PLCH2: variants seen among roughly 807,000 people sequenced by gnomAD.
PLCH2 encodes 1-phosphatidylinositol 4,5-bisphosphate phosphodiesterase eta-2.
A neutral mutation model predicts 134.7 loss-of-function variants in PLCH2; 98 were observed. The ratio of observed to expected loss-of-function variants is 0.73; its 90% CI spans 0.62 to 0.86. The LOEUF (loss-of-function observed/expected upper bound fraction) is 0.86, where lower values mean the gene tolerates loss of function less well. PLCH2 is among the 40% of genes least tolerant of loss of function. The pLI is 0.00. For synonymous variants in PLCH2, 974 were observed against 827.5 expected, an observed-to-expected ratio of 1.18 and a Z score of -3.04; for missense variants, 1,994 against 1,986.6, an observed-to-expected ratio of 1.00 and a Z score of -0.07.
At chr1:2,431,978 G>A (rs1639093020) in intron 2 of PLCH2, among the ~76,000 whole-genome samples, 1 of 152,202 alleles carries the variant, frequency 6.6e-6, no homozygotes, top group African/African-American at 2.4e-5. Context: ...TTGGCAAGGT[G>A]CCCCGGGTGG....
chr1:2,460,440 G>A (rs931125063), intron 2 of PLCH2, among the ~76,000 whole-genome samples: 1 of 152,214 alleles, frequency 6.6e-6, no homozygotes, highest in Non-Finnish European at 1.5e-5. Context: ...CTGGAGACAG[G>A]CAAGGAAGGA....
In PLCH2 at chr1:2,487,588, C is replaced by A; in HGVS notation, c.1115-10C>A. On this transcript the variant is annotated splice_polypyrimidine_tract_variant and intron_variant, in intron 7 of 21. Transcript: ENST00000378486. ...GCCCCTGGGGCTGACCAAGGCCTGC[C>A]CGCCTGCAGTGGACTGCTGGGATGG... The A allele has an allele frequency of 6.2e-7, 1 of 1,609,684 alleles. No homozygotes were observed. The highest frequency in any genetic ancestry group is 8.5e-7 in the Non-Finnish European group (1 of 1,178,330).
At chr1:2,462,045 C>T (rs1403791696) in intron 2 of PLCH2, among the ~76,000 whole-genome samples, 5 of 148,908 alleles carry the variant, frequency 3.4e-5, no homozygotes, top group African/African-American at 1.2e-4. Flanking sequence ...GACACCCCCT[C>T]TGCCTGACAC....
upstream of PLCH2, among the ~76,000 whole-genome samples, chr1:2,466,867 C>G (rs942765579): frequency 6.6e-6 from 1 of 152,126 alleles, no homozygotes; most frequent in Non-Finnish European, 1.5e-5. Context: ...GCTGGGAGAG[C>G]ACAGGAAGGG....
chr1:2,498,872 G>C lies in PLCH2; in HGVS notation c.2434+44G>C, dbSNP rs1336782245. ...TCCGTCACACCTGTGATGGAAGTCTGAGGGGGGAGGGTTGGGGCTACCTGG... is the reference window on the plus strand; with the variant it reads ...TCCGTCACACCTGTGATGGAAGTCTCAGGGGGGAGGGTTGGGGCTACCTGG... On this transcript the variant is annotated intron_variant, in intron 18 of 21. Transcript: ENST00000378486. This position sits in a 1 kb window ranked among gnomAD's most constrained non-coding sequence, Gnocchi z 5.4. 6.7e-7 allele frequency: 1 copy of C among 1,503,460 alleles called. No homozygotes were observed. The allele number at this position is 1,503,460 out of a possible 1,614,324, so 93.1% of individuals were successfully genotyped here.
At chr1:2,494,546 A>G in intron 11 of PLCH2, 1 of 492,606 alleles carries the variant, frequency 2.0e-6, no homozygotes, top group Non-Finnish European at 3.7e-6. Context: ...AAGGATTCAG[A>G]ACTTAACGAG....
upstream of PLCH2, among the ~76,000 whole-genome samples, chr1:2,465,701 C>T (rs999936415): frequency 1.3e-5 from 2 of 152,212 alleles, no homozygotes; most frequent in East Asian, 1.9e-4. Flanking sequence ...GTGCAGCGGG[C>T]GGCTTTTAAT....
At chr1:2,437,580 C>T (rs886241883) in intron 2 of PLCH2, among the ~76,000 whole-genome samples, 1 of 152,122 alleles carries the variant, frequency 6.6e-6, no homozygotes, top group Non-Finnish European at 1.5e-5. Context: ...ACCCCTGCAG[C>T]CTCCACCCCT....
chr1:2,450,516 C>A (rs1165599381), intron 2 of PLCH2, among the ~76,000 whole-genome samples: 1 of 146,418 alleles, frequency 6.8e-6, no homozygotes, highest in Non-Finnish European at 1.5e-5. Flanking sequence ...GCCCCCAACT[C>A]CCTGCCTGGC....
intron 2 of PLCH2, among the ~76,000 whole-genome samples, chr1:2,450,675 T>TCCCCCCCGCTCCCC (rs1557959091): frequency 4.9e-5 from 1 of 20,290 alleles, no homozygotes; most frequent in African/African-American, 2.1e-4. Flanking sequence ...GCTCCCCGCC[T>TCCCCCCCGCTCCCC]ACCCCCCTCT....
Position 2,476,353 on chromosome 1 carries a change from G to A in PLCH2, c.-236G>A. The A allele has an allele frequency of 2.3e-6, 1 of 442,038 alleles. No homozygotes were observed. The highest frequency in any genetic ancestry group is 3.5e-5 in the East Asian group (1 of 28,468). The allele number at this position is 442,038 out of a possible 1,614,324, so 27.4% of individuals were successfully genotyped here. ...GGATTCCTTGGTGGCCCTGGAGGGT[G>A]GATAGGCTGGCCTGGGGGCCATCAG... is the stretch of plus-strand genomic sequence containing the variant. On this transcript the variant is annotated 5_prime_UTR_variant, in exon 1 of 22. Coordinates refer to ENST00000378486, the MANE Select transcript of PLCH2 (RefSeq NM_014638.4).
At chr1:2,476,121 T>C (rs1223989217), upstream of PLCH2, among the ~76,000 whole-genome samples, 1 of 152,204 alleles carries the variant, frequency 6.6e-6, no homozygotes, top group Non-Finnish European at 1.5e-5. Context: ...CCTGCTCTTG[T>C]CCCGCAGCCC....
intron 2 of PLCH2, chr1:2,479,459 C>G: frequency 2.6e-6 from 1 of 392,036 alleles, no homozygotes; most frequent in South Asian, 3.7e-5. Context: ...GCACTGGGGG[C>G]TGCAGGTGGA....
chr1:2,435,953 C>G (rs538713616), intron 2 of PLCH2, among the ~76,000 whole-genome samples: 1 of 139,602 alleles, frequency 7.2e-6, no homozygotes, highest in Admixed American at 7.1e-5. Flanking sequence ...TCCCTCCTCT[C>G]CTCCTCCCTC....
rs550443915 is a variant in PLCH2 at position 2,495,164 on chromosome 1, G to C, written c.1752+216G>C. 1.1e-4 allele frequency among the ~76,000 whole-genome samples: 17 copies of C among 152,314 alleles called. No individual in the cohort carries two copies. In the East Asian group the frequency reaches 3.3e-3, roughly 29 times the overall value. On this transcript the variant is annotated intron_variant, in intron 12 of 21. Transcript: ENST00000378486. ...CCCCTCTGAGTCAGGCCGAGCTATCGGTTGCAGGTGCCAGGGACTGGGCCA... is the reference window on the plus strand; with the variant it reads ...CCCCTCTGAGTCAGGCCGAGCTATCCGTTGCAGGTGCCAGGGACTGGGCCA...
At chr1:2,446,189 G>A (rs1465007687) in intron 2 of PLCH2, among the ~76,000 whole-genome samples, 1 of 152,236 alleles carries the variant, frequency 6.6e-6, no homozygotes, top group African/African-American at 2.4e-5. Flanking sequence ...GGACATCAGT[G>A]TACCCACTGA....
chr1:2,495,379 G>A (rs563032017), intron 12 of PLCH2, 109 bp from the exon 13 acceptor site: 17 of 860,516 alleles, frequency 2.0e-5, no homozygotes, highest in Middle Eastern at 5.2e-4. Flanking sequence ...GGGAGGCTGC[G>A]TGGGCCGCTG....
intron 3 of PLCH2, 100 bp downstream of exon 3, chr1:2,480,077 A>G (rs1641878642): frequency 6.3e-7 from 1 of 1,579,038 alleles, no homozygotes; most frequent in Non-Finnish European, 8.6e-7. Context: ...ACACTGGGGA[A>G]GTGGCCGGTA....
chr1:2,421,939 A>G (rs1570171372), upstream of PLCH2, among the ~76,000 whole-genome samples: 1 of 151,550 alleles, frequency 6.6e-6, no homozygotes, highest in African/African-American at 2.4e-5. Context: ...ACGCCACTAC[A>G]CTCCAGCCCA....
Sources: gnomAD v4.1 joint callset for allele counts (sites outside exome capture counted in the v4.1 genomes callset) on GRCh38, gnomAD v4.1.1 for gene constraint, Gnocchi (gnomAD v3.1) non-coding constraint, MANE v1.5 for transcripts, NCBI Gene and HGNC (gene_info 2026-07-23, HGNC 2026-07-21) for gene names.